Variants in SAXO1 observed in about 807,000 individuals in gnomAD.
The protein encoded by SAXO1 is stabilizer of axonemal microtubules 1.
Under a neutral mutation model 17.5 loss-of-function variants are expected in SAXO1, and 21 were observed. The ratio of observed to expected loss-of-function variants is 1.20; its 90% CI spans 0.85 to 1.72. SAXO1 has a LOEUF of 1.72. Ranked by LOEUF, SAXO1 falls within the 40% of genes most tolerant of loss-of-function variation. The pLI is 0.00. For missense variants in SAXO1, 843 were observed against 596.0 expected, an observed-to-expected ratio of 1.41 and a Z score of -4.32; for synonymous variants, 274 against 216.5, an observed-to-expected ratio of 1.27 and a Z score of -2.33.
At chr9:18,936,887 G>A (rs73427240) in intron 3 of SAXO1, among the ~76,000 whole-genome samples, 132 of 152,244 alleles carry the variant, frequency 8.7e-4, no homozygotes, top group African/African-American at 3.0e-3. Context: ...TGGTTTTCTG[G>A]ACCCCAGTAA....
chr9:19,006,556 T>A (rs150659489), intron 1 of SAXO1, among the ~76,000 whole-genome samples: 1 of 152,210 alleles, frequency 6.6e-6, no homozygotes, highest in Non-Finnish European at 1.5e-5. Flanking sequence ...ACGAGGTACC[T>A]GCAATAGGCA....
intron 3 of SAXO1, among the ~76,000 whole-genome samples, chr9:18,938,229 G>A (rs1024000712): frequency 6.6e-6 from 1 of 152,152 alleles, no homozygotes; most frequent in Non-Finnish European, 1.5e-5. Flanking sequence ...TTGTCAGTAG[G>A]GAAGTCAGCC....
At chr9:18,968,598 G>GTT (rs34092832) in intron 1 of SAXO1, among the ~76,000 whole-genome samples, 16 of 144,086 alleles carry the variant, frequency 1.1e-4, no homozygotes, top group African/African-American at 3.8e-4. Flanking sequence ...CCCCCTTTTT[G>GTT]TTTTTTTTTT....
intron 1 of SAXO1, among the ~76,000 whole-genome samples, chr9:18,955,492 C>G (rs1832220859): frequency 6.6e-6 from 1 of 152,148 alleles, no homozygotes; most frequent in Non-Finnish European, 1.5e-5. Context: ...AAAAGAACTG[C>G]AAGCACTTGG....
At chr9:18,978,597 G>A (rs188810188) in intron 1 of SAXO1, among the ~76,000 whole-genome samples, 9 of 152,302 alleles carry the variant, frequency 5.9e-5, no homozygotes, top group Non-Finnish European at 1.2e-4. Context: ...AGCTGCACTC[G>A]CAGATGCCCC....
intron 1 of SAXO1, among the ~76,000 whole-genome samples, chr9:18,989,440 C>G (rs1199032555): frequency 6.6e-6 from 1 of 152,032 alleles, no homozygotes; most frequent in African/African-American, 2.4e-5. Flanking sequence ...CTCAAATAGC[C>G]ATAGTTACTA....
intron 1 of SAXO1, among the ~76,000 whole-genome samples, chr9:19,044,044 C>G (rs1486813685): frequency 6.6e-6 from 1 of 151,238 alleles, no homozygotes; most frequent in African/African-American, 2.4e-5. Flanking sequence ...ACTTGGGAGG[C>G]TGAGGCAGGA....
At chr9:18,968,805 G>A (rs534241050) in intron 1 of SAXO1, among the ~76,000 whole-genome samples, 7 of 152,244 alleles carry the variant, frequency 4.6e-5, no homozygotes, top group African/African-American at 1.4e-4. Context: ...TGTTGGCCAG[G>A]CTGGTGTCGA....
chr9:18,975,647 C>A (rs1185918681), intron 1 of SAXO1, among the ~76,000 whole-genome samples: 1 of 152,168 alleles, frequency 6.6e-6, no homozygotes, highest in Admixed American at 6.5e-5. Flanking sequence ...CTACAGCAGT[C>A]CTATGCATTG....
At chr9:19,026,544 T>G (rs1588556274) in intron 1 of SAXO1, among the ~76,000 whole-genome samples, 1 of 152,228 alleles carries the variant, frequency 6.6e-6, no homozygotes, top group Middle Eastern at 3.4e-3. Flanking sequence ...CAGTTTCAAA[T>G]TTAGTCATCT....
intron 2 of SAXO1, among the ~76,000 whole-genome samples, chr9:18,948,850 C>A (rs574343298): frequency 1.6e-4 from 25 of 152,210 alleles, no homozygotes; most frequent in Non-Finnish European, 2.8e-4. Flanking sequence ...CTCACAAAGT[C>A]TTCTTCATTT....
intron 2 of SAXO1, among the ~76,000 whole-genome samples, chr9:18,942,692 A>T (rs1236976983): frequency 6.6e-6 from 1 of 152,184 alleles, no homozygotes; most frequent in Non-Finnish European, 1.5e-5. Flanking sequence ...AACAGGAAGC[A>T]GTCCCTCCCC....
intron 1 of SAXO1, among the ~76,000 whole-genome samples, chr9:18,978,224 G>A (rs1377311637): frequency 2.6e-5 from 4 of 151,854 alleles, no homozygotes; most frequent in Non-Finnish European, 5.9e-5. Flanking sequence ...GAAATGCAAT[G>A]AGAGTGATGA....
At chr9:18,978,285 C>T (rs1053273335) in intron 1 of SAXO1, among the ~76,000 whole-genome samples, 4 of 152,152 alleles carry the variant, frequency 2.6e-5, no homozygotes, top group African/African-American at 9.7e-5. Context: ...GAGCTCCTAG[C>T]ACGCTTCCCA....
At chr9:18,935,029 G>A (rs530304329) in intron 3 of SAXO1, among the ~76,000 whole-genome samples, 1 of 152,278 alleles carries the variant, frequency 6.6e-6, no homozygotes, top group African/African-American at 2.4e-5. Flanking sequence ...CCGGGTTCAA[G>A]CGATTCTCCT....
chr9:18,942,827 A>T (rs1014826647), intron 2 of SAXO1, among the ~76,000 whole-genome samples: 8 of 152,164 alleles, frequency 5.3e-5, no homozygotes, highest in African/African-American at 1.9e-4. Context: ...CCACCTCTCA[A>T]TGCTAACATT....
chr9:19,019,085 G>C (rs1285493680), intron 1 of SAXO1, among the ~76,000 whole-genome samples: 1 of 151,662 alleles, frequency 6.6e-6, no homozygotes, highest in Non-Finnish European at 1.5e-5. Flanking sequence ...CTCCAGCCTG[G>C]GCAACAAGAG....
chr9:18,943,846 A>G (rs1831682098), intron 2 of SAXO1, among the ~76,000 whole-genome samples: 1 of 152,156 alleles, frequency 6.6e-6, no homozygotes, highest in African/African-American at 2.4e-5. Context: ...GATGCTTTCC[A>G]GTTGTGAGGC....
intron 1 of SAXO1, among the ~76,000 whole-genome samples, chr9:19,013,920 C>A (rs971399232): frequency 6.6e-6 from 1 of 152,100 alleles, no homozygotes; most frequent in Admixed American, 6.5e-5. Context: ...ATTTAGCAGG[C>A]ACCCAGTTCG....
Sources: allele counts gnomAD v4.1 joint callset (sites outside exome capture counted in the v4.1 genomes callset), GRCh38; gene constraint gnomAD v4.1.1; transcripts MANE v1.5; gene names NCBI Gene and HGNC (gene_info 2026-07-23, HGNC 2026-07-21).